USB1: variants seen among roughly 807,000 people sequenced by gnomAD.
USB1 encodes the protein U6 snRNA biogenesis phosphodiesterase 1.
Under a neutral mutation model 29.9 loss-of-function variants are expected in USB1, and 21 were observed. The observed-to-expected ratio is 0.70, with a 90% CI of 0.50 to 1.01. USB1 has a LOEUF of 1.01. Ranked by LOEUF, USB1 falls within the 50% of genes least tolerant of loss-of-function variation. USB1 has a pLI of 0.00. For missense variants in USB1, 330 were observed against 347.1 expected (o/e 0.95, Z 0.39); for synonymous variants, 143 against 134.9 (o/e 1.06, Z -0.42).
chr16:58,001,176 G>A (rs1963174156), upstream of USB1, among the ~76,000 whole-genome samples: 1 of 152,142 alleles, frequency 6.6e-6, no homozygotes, highest in South Asian at 2.1e-4. Flanking sequence ...GGTGGCTGCA[G>A]ACAGCAGCGG....
chr16:58,004,189 A>G (rs1963300407), intron 2 of USB1, among the ~76,000 whole-genome samples: 1 of 152,134 alleles, frequency 6.6e-6, no homozygotes, highest in South Asian at 2.1e-4. Flanking sequence ...TTCCAGCACC[A>G]TTGGTTGAAA....
chr16:58,018,705 G>A (rs559076597), intron 5 of USB1, among the ~76,000 whole-genome samples: 4 of 152,196 alleles, frequency 2.6e-5, no homozygotes, highest in African/African-American at 9.6e-5. Context: ...CCCCTCAAAG[G>A]CCCCATCTTT....
rs772987427 is a variant in USB1, at chr16:58,020,393, C to G, written c.*148C>G. 3 of 711,906 alleles carry G rather than the reference C, an allele frequency of 4.2e-6. No individual in the cohort carries two copies. Among genetic ancestry groups the G allele is most frequent in the Non-Finnish European group, 7.7e-6 (3 of 391,644 alleles). 44.1% of individuals were successfully genotyped at this position (711,906 alleles called of 1,614,324 possible). A position where few individuals can be genotyped will look rare whatever the true frequency, so the allele number is the denominator to read the frequency against. On this transcript the variant is annotated 3_prime_UTR_variant, in exon 7 of 7. Coordinates refer to ENST00000219281, the MANE Select transcript of USB1 (RefSeq NM_024598.4). Reference sequence around the variant, plus strand: ...GCAGGAGGTGTAGCCACTCCTCATCCTCCCTGAGTGCTGATATTCTCTCTC... The same window carrying G: ...GCAGGAGGTGTAGCCACTCCTCATCGTCCCTGAGTGCTGATATTCTCTCTC...
Position 58,021,512 on chromosome 16 carries a change from A to C in USB1, c.*1267A>C, listed in dbSNP as rs1567425433. 1 of 152,302 alleles carries C rather than the reference A, an allele frequency of 6.6e-6. No individual in the cohort carries two copies. Among genetic ancestry groups the C allele is most frequent in the Non-Finnish European group, 1.5e-5 (1 of 68,060 alleles). 9.4% of individuals were successfully genotyped at this position (152,302 alleles called of 1,614,324 possible). A position where few individuals can be genotyped will look rare whatever the true frequency, so the allele number is the denominator to read the frequency against. Reference sequence around the variant, plus strand: ...CACACCTTCCCCGTGGCAAAGAAACAGTCAGTCCTCTTCAGGTGTCTTCTG... The same window carrying C: ...CACACCTTCCCCGTGGCAAAGAAACCGTCAGTCCTCTTCAGGTGTCTTCTG... On this transcript the variant is annotated 3_prime_UTR_variant, in exon 7 of 7. Transcript: ENST00000219281.
At chr16:58,006,606 C>T (rs540555240) in intron 2 of USB1, among the ~76,000 whole-genome samples, 9 of 152,150 alleles carry the variant, frequency 5.9e-5, no homozygotes, top group Middle Eastern at 6.8e-3. Context: ...TTGCAGTGAG[C>T]GGAGAGTGCA....
In USB1 at chr16:58,020,234, C is replaced by G; in HGVS notation, c.787C>G (p.Pro263Ala). The G allele has an allele frequency of 1.9e-6, 3 of 1,614,140 alleles. No individual in the cohort carries two copies. The highest frequency in any genetic ancestry group is 2.5e-6 in the Non-Finnish European group (3 of 1,179,998). The change falls in exon 7 of 7, where the codon CCT becomes GCT. Residue 263 changes from proline (P) to alanine (A), a missense_variant. Physicochemically the swap from Pro to Ala is conservative, Grantham distance 27 (BLOSUM62 -1). Transcript: ENST00000219281. ...CKSGNKFFSMPLK is the reference protein window; with the variant it reads ...CKSGNKFFSMALK ...GTCTGGGAACAAGTTCTTCTCGATGCCTTTGAAGTGAGCACCAGAGGCCTT... is the reference window on the plus strand; with the variant it reads ...GTCTGGGAACAAGTTCTTCTCGATGGCTTTGAAGTGAGCACCAGAGGCCTT...
intron 2 of USB1, among the ~76,000 whole-genome samples, chr16:58,008,453 C>CTTT (rs56262437): frequency 1.0e-4 from 12 of 115,182 alleles, no homozygotes; most frequent in South Asian, 2.8e-4. Context: ...TTTTCTTTTT[C>CTTT]TTTTTTTTTT....
At position 58,013,346 on chromosome 16, in the gene USB1, T is replaced by G; in HGVS notation, c.450-927T>G. 1 of 985,456 alleles carries G rather than the reference T, an allele frequency of 1.0e-6. No homozygotes were observed. Among genetic ancestry groups the G allele is most frequent in the South Asian group, 4.7e-5 (1 of 21,284 alleles). 61.0% of individuals were successfully genotyped at this position (985,456 alleles called of 1,614,324 possible). Reference sequence around the variant, plus strand: ...CTGGTGGTTCTGTGATCCCTTACATTTTCTCCAGAGGCAGAGAGTTGGCTG... The same window carrying G: ...CTGGTGGTTCTGTGATCCCTTACATGTTCTCCAGAGGCAGAGAGTTGGCTG... On this transcript the variant is annotated intron_variant, in intron 3 of 6. Transcript: ENST00000219281. The surrounding 1 kb of genome is among the most constrained non-coding windows in gnomAD (Gnocchi z 4.3).
intron 5 of USB1, 33 bp from the exon 6 acceptor site, chr16:58,018,939 G>C: frequency 6.2e-7 from 1 of 1,610,778 alleles, no homozygotes; most frequent in Non-Finnish European, 8.5e-7. Context: ...CAAGGCGTCC[G>C]GGTGACTGCC....
At position 58,018,956 on chromosome 16, in the gene USB1, T is replaced by C. The variant is rs764080891; in HGVS notation, c.610-16T>C. ...AGGCGTCCGGGTGACTGCCTGCCTC[T>C]CGTTTCCCTCCCCAGGATCCTTCTT... On this transcript the variant is annotated splice_polypyrimidine_tract_variant and intron_variant, in intron 5 of 6. Transcript: ENST00000219281. 4 of 1,614,018 alleles carry C rather than the reference T, an allele frequency of 2.5e-6. No homozygotes were observed. Among genetic ancestry groups the C allele is most frequent in the Non-Finnish European group, 3.4e-6 (4 of 1,179,952 alleles).
chr16:58,009,513 A>T (rs999357278), intron 2 of USB1, among the ~76,000 whole-genome samples: 11 of 151,928 alleles, frequency 7.2e-5, no homozygotes, highest in Non-Finnish European at 1.2e-4. Context: ...AGGTCAGGAG[A>T]TCGAGACCAT....
intron 4 of USB1, chr16:58,016,684 T>C (rs951176745): frequency 6.3e-6 from 1 of 158,150 alleles, no homozygotes; most frequent in Non-Finnish European, 1.4e-5. Context: ...AAGAGTCCAC[T>C]GTGTGAGATA....
rs942778861 is a variant in USB1 at position 58,002,613 on chromosome 16, G to A, written c.233G>A (p.Arg78Gln). Residue 78 changes from arginine (R) to glutamine (Q), a missense_variant, in exon 2 of 7, where the codon CGA becomes CAA. Coordinates refer to ENST00000219281, the MANE Select transcript of USB1 (RefSeq NM_024598.4). ...GGRVRTFPHE[R>Q]GNWATHVYVP... ...CGGGTGCGCACCTTCCCCCACGAGCGAGGCAACTGGGCCACCCACGTCTAT... is the reference window on the plus strand; with the variant it reads ...CGGGTGCGCACCTTCCCCCACGAGCAAGGCAACTGGGCCACCCACGTCTAT... 14 of 1,613,828 alleles carry A rather than the reference G, an allele frequency of 8.7e-6. No homozygotes were observed. Among genetic ancestry groups the A allele is most frequent in the African/African-American group, 2.7e-5 (2 of 74,896 alleles).
intron 6 of USB1, among the ~76,000 whole-genome samples, chr16:58,019,269 C>T (rs969064443): frequency 6.6e-6 from 1 of 151,960 alleles, no homozygotes; most frequent in Non-Finnish European, 1.5e-5. Context: ...CAGATCTTTG[C>T]CCCCACCCCC....
rs577528641 is a variant in USB1, at chr16:58,005,384, C to T, written c.265+2739C>T. Among the ~76,000 whole-genome samples, 6 of 152,282 alleles carry T rather than the reference C, an allele frequency of 3.9e-5. No homozygotes were observed. The East Asian group carries it at 1.2e-3, about 30-fold the overall frequency. On this transcript the variant is annotated intron_variant, in intron 2 of 6. Transcript: ENST00000219281. ...GACGCTACCGTTAGACCACGGTCCA[C>T]TTGGCAATGGGCATCTTCCCAGACG...
At chr16:58,012,593 G>C in intron 3 of USB1, 1 of 1,386,658 alleles carries the variant, frequency 7.2e-7, no homozygotes, top group Non-Finnish European at 9.3e-7. Context: ...TCTCTGATTG[G>C]CTTCAGCACA....
Position 58,010,068 on chromosome 16 carries a change from C to A in USB1, c.405C>A (p.Leu135=). 6.2e-7 allele frequency: 1 copy of A among 1,614,188 alleles called. No individual in the cohort carries two copies. Among genetic ancestry groups the A allele is most frequent in the Non-Finnish European group, 8.5e-7 (1 of 1,180,026 alleles). Reference sequence around the variant, plus strand: ...TGGTTCTGCGCCACCACTGGATCCTCCCCTTCGTGCAGGCTCTGAAAGCCC... The same window carrying A: ...TGGTTCTGCGCCACCACTGGATCCTACCCTTCGTGCAGGCTCTGAAAGCCC... ...QSVVLRHHWI[L]PFVQALKARM... The change falls in exon 3 of 7, where the codon CTC becomes CTA. Residue 135 remains leucine (L), a synonymous_variant. Transcript: ENST00000219281.
intron 3 of USB1, chr16:58,010,886 T>G (rs1963477254): frequency 1.5e-6 from 1 of 648,308 alleles, no homozygotes; most frequent in South Asian, 1.7e-5. Context: ...TTCCAAATTT[T>G]TACGGAGGCT....
At chr16:58,020,099 T>C (rs185437684) in intron 6 of USB1, 42 bp from the exon 7 acceptor site, 1 of 1,602,084 alleles carries the variant, frequency 6.2e-7, no homozygotes, top group African/African-American at 1.3e-5. Context: ...GGGTCCCAGA[T>C]GCCCCTTAAT....
Sources: gnomAD v4.1 joint callset for allele counts (sites outside exome capture counted in the v4.1 genomes callset) on GRCh38, gnomAD v4.1.1 for gene constraint, Gnocchi (gnomAD v3.1) non-coding constraint, MANE v1.5 for transcripts, NCBI Gene and HGNC (gene_info 2026-07-23, HGNC 2026-07-21) for gene names.